The following ADAMTS18 variants were observed in gnomAD, a reference collection of about 807,000 sequenced individuals.
ADAMTS18 encodes A disintegrin and metalloproteinase with thrombospondin motifs 18.
In ADAMTS18, 157 loss-of-function variants were observed where a neutral mutation model predicts 165.9. The observed-to-expected ratio is 0.95, with a 90% CI of 0.83 to 1.08. The LOEUF is 1.08. Ranked by LOEUF, ADAMTS18 falls within the 50% of genes least tolerant of loss-of-function variation. The probability of loss-of-function intolerance (pLI) is 0.00; values close to 1 mark genes in which losing one functional copy is unlikely to be tolerated. For missense variants in ADAMTS18, 2,040 were observed against 1,534.0 expected (o/e 1.33, Z -5.51); for synonymous variants, 782 against 578.2 (o/e 1.35, Z -5.06).
intron 3 of ADAMTS18, among the ~76,000 whole-genome samples, chr16:77,425,914 T>C (rs2057666295): frequency 6.6e-6 from 1 of 151,894 alleles, no homozygotes; most frequent in Non-Finnish European, 1.5e-5. Context: ...GGCGTGGTGG[T>C]GGATGCCTGT....
intron 3 of ADAMTS18, among the ~76,000 whole-genome samples, chr16:77,374,454 A>AATTTCAGG (rs1315217021): frequency 1.3e-5 from 2 of 152,120 alleles, no homozygotes; most frequent in South Asian, 4.2e-4. Context: ...GCACAGGCAG[A>AATTTCAGG]ATTTCAGGTC....
intron 10 of ADAMTS18, among the ~76,000 whole-genome samples, chr16:77,350,069 C>T (rs2056533563): frequency 6.6e-6 from 1 of 152,194 alleles, no homozygotes; most frequent in Non-Finnish European, 1.5e-5. Context: ...GCGCTTGGGA[C>T]CCTCTGACAA....
chr16:77,323,058 G>T (rs961104935), intron 13 of ADAMTS18, among the ~76,000 whole-genome samples: 3 of 152,092 alleles, frequency 2.0e-5, no homozygotes, highest in Admixed American at 1.3e-4. Context: ...CGTCCTGAAG[G>T]CTACAAAAAG....
At chr16:77,296,684 G>T (rs945709104) in intron 18 of ADAMTS18, among the ~76,000 whole-genome samples, 21 of 152,128 alleles carry the variant, frequency 1.4e-4, no homozygotes, top group African/African-American at 4.8e-4. Flanking sequence ...GCTAGGTGTG[G>T]TGACGTGCAC....
At position 77,431,283 on chromosome 16, in the gene ADAMTS18, G is replaced by C; in HGVS notation, c.495+12C>G. On this transcript the variant is annotated intron_variant, in intron 3 of 22. Coordinates refer to ENST00000282849, the MANE Select transcript of ADAMTS18 (RefSeq NM_199355.4). ...GAAAGAGGGAGCTCAACTCAGACTGGGGTGTACTTACCAAGCCAGCACACG... is the reference window on the plus strand; with the variant it reads ...GAAAGAGGGAGCTCAACTCAGACTGCGGTGTACTTACCAAGCCAGCACACG... 1.9e-6 allele frequency: 3 copies of C among 1,613,906 alleles called. No individual in the cohort carries two copies. The highest frequency in any genetic ancestry group is 2.5e-6 in the Non-Finnish European group (3 of 1,179,896).
chr16:77,283,727 A>G lies in ADAMTS18; in HGVS notation c.*229T>C. On this transcript the variant is annotated 3_prime_UTR_variant, in exon 23 of 23. Transcript: ENST00000282849. Reference sequence around the variant, plus strand: ...CAAATCAAAGATTTTTTTTAAAGTCAGATTTGTCATCGCTTCCCATTTTCA... The same window carrying G: ...CAAATCAAAGATTTTTTTTAAAGTCGGATTTGTCATCGCTTCCCATTTTCA... The G allele has an allele frequency of 1.9e-6, 1 of 531,880 alleles. No homozygotes were observed. The highest frequency in any genetic ancestry group is 3.4e-6 in the Non-Finnish European group (1 of 295,158). The allele number at this position is 531,880 out of a possible 1,614,324, so 32.9% of individuals were successfully genotyped here. A position where few individuals can be genotyped will look rare whatever the true frequency, so the allele number is the denominator to read the frequency against.
At chr16:77,351,958 T>TGCTG in intron 10 of ADAMTS18, among the ~76,000 whole-genome samples, 1 of 152,298 alleles carries the variant, frequency 6.6e-6, no homozygotes, top group Non-Finnish European at 1.5e-5. Context: ...GTTCTCAAAC[T>TGCTG]GCTGGCCTCA....
At chr16:77,425,244 C>T (rs566555691) in intron 3 of ADAMTS18, among the ~76,000 whole-genome samples, 10 of 152,242 alleles carry the variant, frequency 6.6e-5, no homozygotes, top group South Asian at 2.1e-4. Flanking sequence ...ACGCCACTTA[C>T]GGTTTAATTG....
chr16:77,420,527 A>C (rs1321162376), intron 3 of ADAMTS18, among the ~76,000 whole-genome samples: 1 of 152,166 alleles, frequency 6.6e-6, no homozygotes, highest in East Asian at 1.9e-4. Flanking sequence ...ACTGTTCTAG[A>C]CTTATGTGCT....
intron 17 of ADAMTS18, 144 bp downstream of exon 17, chr16:77,300,116 CATA>C: frequency 2.2e-6 from 2 of 910,922 alleles, no homozygotes; most frequent in Non-Finnish European, 3.4e-6. Flanking sequence ...TAACTAATGC[CATA>C]ATATTTGCTT....
chr16:77,289,189 CACT>C, intron 22 of ADAMTS18, 72 bp downstream of exon 22: 1 of 1,553,834 alleles, frequency 6.4e-7, no homozygotes, highest in South Asian at 1.1e-5. Flanking sequence ...TCACAGGCTG[CACT>C]ACTAACAAAG....
intron 3 of ADAMTS18, among the ~76,000 whole-genome samples, chr16:77,382,203 TTTTG>T (rs199836778): frequency 4.9e-4 from 74 of 150,506 alleles, no homozygotes; most frequent in African/African-American, 1.3e-3. Context: ...GTTTTTGGTT[TTTTG>T]TTTGTTTGTT....
chr16:77,339,250 C>G (rs2056361392), intron 11 of ADAMTS18, among the ~76,000 whole-genome samples: 1 of 152,080 alleles, frequency 6.6e-6, no homozygotes, highest in Admixed American at 6.6e-5. Context: ...ATGTAATAAT[C>G]ATTACACGGG....
In ADAMTS18 at chr16:77,282,904, C is replaced by CTTTTTT. The variant is rs1331401019; in HGVS notation, c.*1051_*1052insAAAAAA. The CTTTTTT allele has an allele frequency of 4.8e-4, 37 of 77,740 alleles. No individual in the cohort carries two copies. Among genetic ancestry groups the CTTTTTT allele is most frequent in the Non-Finnish European group, 8.4e-4 (31 of 36,954 alleles). The allele number at this position is 77,740 out of a possible 1,614,324, so 4.8% of individuals were successfully genotyped here. A position where few individuals can be genotyped will look rare whatever the true frequency, so the allele number is the denominator to read the frequency against. The stretch of plus-strand genomic sequence containing the variant: ...TACCACTGTTTACTCCTTTCTTTCT[C>CTTTTTT]TCTTTTTTTTTTTTTTTTTTTTGCT... On this transcript the variant is annotated 3_prime_UTR_variant, in exon 23 of 23. Transcript: ENST00000282849.
chr16:77,410,062 C>CTA (rs2057441536), intron 3 of ADAMTS18, among the ~76,000 whole-genome samples: 1 of 151,960 alleles, frequency 6.6e-6, no homozygotes, highest in Admixed American at 6.6e-5. Flanking sequence ...ACTATTTTGA[C>CTA]TAAAAGCCAT....
intron 3 of ADAMTS18, among the ~76,000 whole-genome samples, chr16:77,376,422 G>T (rs370528761): frequency 6.6e-6 from 1 of 152,254 alleles, no homozygotes; most frequent in African/African-American, 2.4e-5. Context: ...ACCATATCAG[G>T]CCCCAAGTCC....
In ADAMTS18 at chr16:77,434,733, G is replaced by A; in HGVS notation, c.-38C>T. The stretch of plus-strand genomic sequence containing the variant: ...ACGCGGCGGCTGCGGGTGGCCAGAC[G>A]CGGCAGGCGGAGCGCACGGGCGGCG... On this transcript the variant is annotated 5_prime_UTR_variant, in exon 1 of 23. Transcript: ENST00000282849. 3 of 1,395,876 alleles carry A rather than the reference G, an allele frequency of 2.1e-6. No individual in the cohort carries two copies. The highest frequency in any genetic ancestry group is 2.8e-6 in the Non-Finnish European group (3 of 1,074,474). 86.5% of individuals were successfully genotyped at this position (1,395,876 alleles called of 1,614,324 possible).
rs2055491622 is a variant in ADAMTS18 at position 77,297,288 on chromosome 16, C to T, written c.2801+1G>A. The T allele has an allele frequency of 1.9e-6, 3 of 1,614,050 alleles. No homozygotes were observed. The highest frequency in any genetic ancestry group is 2.5e-6 in the Non-Finnish European group (3 of 1,180,010). On this transcript the variant is annotated splice_donor_variant, in intron 18 of 22. Transcript: ENST00000282849. LOFTEE classifies it high-confidence loss of function. ...CAAAAAGACACTTCCAAATGACTTA[C>T]TAAGCCGGGCAGGAGAAAGCGTTGC...
At chr16:77,286,353 A>ATTTGTTGTCCGTTTCCATT (rs2055251109) in intron 22 of ADAMTS18, among the ~76,000 whole-genome samples, 1 of 151,974 alleles carries the variant, frequency 6.6e-6, no homozygotes, top group African/African-American at 2.4e-5. Flanking sequence ...TAATTGGTTG[A>ATTTGTTGTCCGTTTCCATT]TTTGTTGTCC....
Sources: allele counts gnomAD v4.1 joint callset (sites outside exome capture counted in the v4.1 genomes callset), GRCh38; gene constraint gnomAD v4.1.1; transcripts MANE v1.5; gene names NCBI Gene and HGNC (gene_info 2026-07-23, HGNC 2026-07-21).